GRM7: variants seen among roughly 807,000 people sequenced by gnomAD.
GRM7 encodes glutamate metabotropic receptor 7.
A neutral mutation model predicts 84.5 loss-of-function variants in GRM7; 35 were observed. That is an observed-to-expected ratio of 0.41 (90% CI 0.32 to 0.55). The LOEUF (loss-of-function observed/expected upper bound fraction) is 0.55, where lower values mean the gene tolerates loss of function less well. Ranked by LOEUF, GRM7 falls within the 20% of genes least tolerant of loss-of-function variation. The probability of loss-of-function intolerance (pLI) is 0.19; values close to 1 mark genes in which losing one functional copy is unlikely to be tolerated. For missense variants in GRM7, 1,003 were observed against 1,194.6 expected (o/e 0.84, Z 2.36); for synonymous variants, 487 against 455.1 (o/e 1.07, Z -0.89).
intron 2 of GRM7, among the ~76,000 whole-genome samples, chr3:7,216,059 A>G (rs1696598659): frequency 6.6e-6 from 1 of 152,198 alleles, no homozygotes; most frequent in African/African-American, 2.4e-5. Flanking sequence ...CAATTTTTCT[A>G]ATCTTTTAAA....
At chr3:7,558,066 G>C (rs1023406902) in intron 7 of GRM7, among the ~76,000 whole-genome samples, 3 of 141,308 alleles carry the variant, frequency 2.1e-5, no homozygotes, top group Admixed American at 6.8e-5. Context: ...ACTGGTAAAA[G>C]CATTTGCTTT....
chr3:7,611,673 G>A (rs575638439), intron 8 of GRM7, among the ~76,000 whole-genome samples: 98 of 152,222 alleles, frequency 6.4e-4, no homozygotes, highest in Middle Eastern at 3.4e-3. Context: ...GTTGCCCGAT[G>A]GATTGAATGC....
intron 8 of GRM7, among the ~76,000 whole-genome samples, chr3:7,638,905 T>G (rs1400070336): frequency 6.6e-6 from 1 of 152,222 alleles, no homozygotes; most frequent in Admixed American, 6.5e-5. Flanking sequence ...CCCAAATGCT[T>G]TTGGTCTGAG....
At chr3:6,911,802 A>T (rs17692738) in intron 1 of GRM7, among the ~76,000 whole-genome samples, 16,618 of 152,210 alleles carry the variant, frequency 0.11, 933 homozygotes, top group Non-Finnish European at 0.13. Context: ...AAATCTTCCA[A>T]AGTTAAAAAA....
chr3:7,682,370 A>C (rs964291484), intron 9 of GRM7: 1 of 150,726 alleles, frequency 6.6e-6, no homozygotes, highest in Non-Finnish European at 1.5e-5. Context: ...AAAGAAAAAA[A>C]AGAGAAGAAT....
chr3:7,025,266 C>T (rs1559391426), intron 1 of GRM7, among the ~76,000 whole-genome samples: 2 of 152,174 alleles, frequency 1.3e-5, no homozygotes, highest in African/African-American at 4.8e-5. Flanking sequence ...GACTTTAGTT[C>T]TCCCTTGCCA....
intron 1 of GRM7, among the ~76,000 whole-genome samples, chr3:6,908,414 C>T (rs1172198534): frequency 1.3e-5 from 2 of 152,210 alleles, no homozygotes; most frequent in Non-Finnish European, 2.9e-5. Flanking sequence ...CTGTTTAATT[C>T]TCCGGCAATC....
intron 1 of GRM7, among the ~76,000 whole-genome samples, chr3:7,075,078 C>A (rs1317320384): frequency 6.6e-6 from 1 of 152,026 alleles, no homozygotes; most frequent in African/African-American, 2.4e-5. Context: ...AATAAAGAGG[C>A]AAGTTAGATG....
chr3:7,169,277 A>G (rs1406023827), intron 2 of GRM7, among the ~76,000 whole-genome samples: 2 of 152,200 alleles, frequency 1.3e-5, no homozygotes. Flanking sequence ...TCTATACCAC[A>G]GTGTATCCAT....
At chr3:7,314,288 T>C (rs1184859013) in intron 4 of GRM7, among the ~76,000 whole-genome samples, 1 of 152,160 alleles carries the variant, frequency 6.6e-6, no homozygotes, top group Non-Finnish European at 1.5e-5. Flanking sequence ...AGTTATCGTA[T>C]CCACATTGTA....
chr3:7,729,651 T>C (rs979379780), intron 9 of GRM7, among the ~76,000 whole-genome samples: 3 of 152,224 alleles, frequency 2.0e-5, no homozygotes, highest in Non-Finnish European at 2.9e-5. Flanking sequence ...AATTCAGTGT[T>C]TGTGGTGATT....
intron 2 of GRM7, among the ~76,000 whole-genome samples, chr3:7,216,296 A>G (rs1696607794): frequency 6.6e-6 from 1 of 152,196 alleles, no homozygotes; most frequent in Non-Finnish European, 1.5e-5. Flanking sequence ...CATTAGCATC[A>G]TGTTGGTATA....
At chr3:7,566,756 A>G (rs1288671386) in intron 7 of GRM7, among the ~76,000 whole-genome samples, 3 of 152,208 alleles carry the variant, frequency 2.0e-5, no homozygotes, top group African/African-American at 7.2e-5. Context: ...TGTTAAAAAA[A>G]AAAATTCTGA....
intron 8 of GRM7, among the ~76,000 whole-genome samples, chr3:7,620,346 G>T (rs1697298661): frequency 6.6e-6 from 1 of 152,104 alleles, no homozygotes; most frequent in South Asian, 2.1e-4. Flanking sequence ...AATAAAATAA[G>T]AATTTTATCT....
chr3:7,424,459 G>T (rs1254370927), intron 5 of GRM7, among the ~76,000 whole-genome samples: 2 of 151,956 alleles, frequency 1.3e-5, no homozygotes, highest in Non-Finnish European at 2.9e-5. Flanking sequence ...ATGTGTTTAC[G>T]TTATTCTAGT....
chr3:7,174,469 T>G (rs967924842), intron 2 of GRM7, among the ~76,000 whole-genome samples: 21 of 152,368 alleles, frequency 1.4e-4, no homozygotes, highest in African/African-American at 4.8e-4. Context: ...TTGCTGTTTG[T>G]CCTTGTACAT....
chr3:7,342,935 CTT>C (rs1361301501), intron 4 of GRM7, among the ~76,000 whole-genome samples: 1 of 152,166 alleles, frequency 6.6e-6, no homozygotes, highest in Non-Finnish European at 1.5e-5. Context: ...GTTAACCTCT[CTT>C]AGGAGATCCT....
At chr3:7,701,298 A>ATTTTT (rs35986412) in intron 9 of GRM7, among the ~76,000 whole-genome samples, 9 of 120,474 alleles carry the variant, frequency 7.5e-5, no homozygotes, top group African/African-American at 6.4e-5. Flanking sequence ...CTGTGGTTGC[A>ATTTTT]TTTTTTTTTT....
chr3:7,711,866 G>A (rs1009192889), intron 9 of GRM7, among the ~76,000 whole-genome samples: 12 of 152,158 alleles, frequency 7.9e-5, no homozygotes, highest in South Asian at 2.1e-4. Flanking sequence ...AAACACAGTC[G>A]GCTTACCTCC....
Sources: gnomAD v4.1 joint callset for allele counts (sites outside exome capture counted in the v4.1 genomes callset) on GRCh38, gnomAD v4.1.1 for gene constraint, MANE v1.5 for transcripts, NCBI Gene and HGNC (gene_info 2026-07-23, HGNC 2026-07-21) for gene names.